The following USP8 variants were observed in gnomAD, a reference collection of about 807,000 sequenced individuals.
USP8 encodes ubiquitin specific peptidase 8, also known as ubiquitin carboxyl-terminal hydrolase 8.
In USP8, 27 loss-of-function variants were observed where a neutral mutation model predicts 130.0. The observed-to-expected ratio is 0.21, with a 90% CI of 0.15 to 0.29. The LOEUF (loss-of-function observed/expected upper bound fraction) is 0.29. Ranked by LOEUF, USP8 falls within the 10% of genes least tolerant of loss-of-function variation. The probability of loss-of-function intolerance (pLI) is 1.00; values close to 1 mark genes in which losing one functional copy is unlikely to be tolerated. For missense variants in USP8, 1,029 were observed against 1,312.2 expected (o/e 0.78, Z 3.33); for synonymous variants, 392 against 444.1 (o/e 0.88, Z 1.48).
intron 7 of USP8, chr15:50,466,907 G>A: frequency 4.7e-6 from 2 of 429,966 alleles, no homozygotes; most frequent in South Asian, 2.0e-5. Flanking sequence ...CAGTTCAAAT[G>A]CCTACTAAGA....
In USP8 at chr15:50,471,937, G is replaced by C. The variant is rs958864952; in HGVS notation, c.849+142G>C. 8 of 926,974 alleles carry C rather than the reference G, an allele frequency of 8.6e-6. No individual in the cohort carries two copies. The African/African-American group carries it at 1.3e-4, about 15-fold the overall frequency. 57.4% of individuals were successfully genotyped at this position (926,974 alleles called of 1,614,324 possible). A position where few individuals can be genotyped will look rare whatever the true frequency, so the allele number is the denominator to read the frequency against. ...TTTTTTTGAGACTGAGTCTCACTCTGTTGCCCAAGCTAGAGTACAGTGGCG... is the reference window on the plus strand; with the variant it reads ...TTTTTTTGAGACTGAGTCTCACTCTCTTGCCCAAGCTAGAGTACAGTGGCG... On this transcript the variant is annotated intron_variant, in intron 8 of 19. Coordinates refer to ENST00000307179, the MANE Select transcript of USP8 (RefSeq NM_005154.5).
At chr15:50,443,955 T>C (rs2050338906) in intron 3 of USP8, among the ~76,000 whole-genome samples, 1 of 152,152 alleles carries the variant, frequency 6.6e-6, no homozygotes. Flanking sequence ...AAACAAGTTT[T>C]TGCACGCTCT....
chr15:50,445,329 T>G (rs1259734061), intron 3 of USP8, among the ~76,000 whole-genome samples: 1 of 139,112 alleles, frequency 7.2e-6, no homozygotes, highest in Non-Finnish European at 1.6e-5. Context: ...GTGGATCACT[T>G]GCGGTCAGGA....
chr15:50,473,927 C>G (rs2051472860), intron 8 of USP8, among the ~76,000 whole-genome samples: 1 of 151,918 alleles, frequency 6.6e-6, no homozygotes, highest in Admixed American at 6.6e-5. Flanking sequence ...CTCTGCCTCC[C>G]AGGTTCAAGC....
chr15:50,453,266 A>G (rs1324718395), intron 4 of USP8, among the ~76,000 whole-genome samples: 4 of 152,246 alleles, frequency 2.6e-5, no homozygotes, highest in Non-Finnish European at 5.9e-5. Flanking sequence ...TCTCACATCT[A>G]TTGATGGGTT....
At position 50,505,688 on chromosome 15, in the gene USP8, G is replaced by A. The variant is rs2052648845; in HGVS notation, c.*6600G>A. The A allele has an allele frequency of 6.6e-6, 1 of 152,286 alleles. No homozygotes were observed. The allele number at this position is 152,286 out of a possible 1,614,324, so 9.4% of individuals were successfully genotyped here. ...AAAAATTAAAAACCGGCTGGGCATG[G>A]TGGTTCACACCTGTAATCCCAGCAC... On this transcript the variant is annotated 3_prime_UTR_variant, in exon 20 of 20. Transcript: ENST00000307179.
chr15:50,481,366 C>A (rs188590381), intron 10 of USP8, 115 bp from the exon 11 acceptor site: 3 of 687,846 alleles, frequency 4.4e-6, no homozygotes, highest in South Asian at 2.9e-5. Flanking sequence ...AATAGATGTG[C>A]TGATAGATGT....
At chr15:50,485,572 T>C (rs2051931473) in intron 12 of USP8, among the ~76,000 whole-genome samples, 1 of 136,526 alleles carries the variant, frequency 7.3e-6, no homozygotes, top group African/African-American at 2.8e-5. Context: ...TTTTTTTTTT[T>C]TTTTTTTTTT....
intron 4 of USP8, among the ~76,000 whole-genome samples, chr15:50,458,795 T>TA (rs2141277535): frequency 6.6e-6 from 1 of 152,284 alleles, no homozygotes; most frequent in South Asian, 2.1e-4. Context: ...CTTGAGAACA[T>TA]ACAGTTTCTT....
chr15:50,427,983 A>G (rs1013373932), intron 1 of USP8, among the ~76,000 whole-genome samples: 3 of 151,908 alleles, frequency 2.0e-5, no homozygotes, highest in Non-Finnish European at 4.4e-5. Context: ...TCAGCCTCCC[A>G]AGTAGCTAGG....
chr15:50,512,862 A>G lies in USP8; in HGVS notation c.*13774A>G, dbSNP rs1025885385. 3.9e-5 allele frequency: 6 copies of G among 152,210 alleles called. No homozygotes were observed. The highest frequency in any genetic ancestry group is 1.2e-4 in the African/African-American group (5 of 41,458). 9.4% of individuals were successfully genotyped at this position (152,210 alleles called of 1,614,324 possible). A position where few individuals can be genotyped will look rare whatever the true frequency, so the allele number is the denominator to read the frequency against. ...TTAAGGTGAATTCTGTGGTATGTGA[A>G]CTATCTCTAAGAACTTCTTTTTATT... On this transcript the variant is annotated 3_prime_UTR_variant, in exon 20 of 20. Transcript: ENST00000307179.
rs375685922 is a variant in USP8, at chr15:50,490,558, A to G, written c.2234+33A>G. 2.5e-6 allele frequency: 4 copies of G among 1,598,304 alleles called. No individual in the cohort carries two copies. The East Asian group carries it at 8.9e-5, about 36-fold the overall frequency. On this transcript the variant is annotated intron_variant, in intron 14 of 19. Transcript: ENST00000307179. ...TATCTTAACTCCTAGAACTAAAATA[A>G]TGTGCTGTATTTCAAAGTTTCTACT...
At chr15:50,436,203 C>T (rs2050085692) in intron 1 of USP8, among the ~76,000 whole-genome samples, 1 of 150,064 alleles carries the variant, frequency 6.7e-6, no homozygotes, top group Non-Finnish European at 1.5e-5. Flanking sequence ...GTTTTTTTTT[C>T]CACTGCCATG....
intron 1 of USP8, among the ~76,000 whole-genome samples, chr15:50,436,459 A>C (rs888850764): frequency 6.6e-6 from 1 of 152,184 alleles, no homozygotes; most frequent in South Asian, 2.1e-4. Context: ...ACTACTGCTT[A>C]AAACTTTCTC....
At chr15:50,471,020 T>C (rs143113387) in intron 7 of USP8, among the ~76,000 whole-genome samples, 59 of 152,312 alleles carry the variant, frequency 3.9e-4, no homozygotes, top group African/African-American at 1.3e-3. Context: ...ATGAGCCAGA[T>C]TGCCTGAATT....
intron 1 of USP8, 110 bp downstream of exon 1, chr15:50,424,624 T>C (rs1239489565): frequency 5.0e-6 from 2 of 396,996 alleles, no homozygotes; most frequent in African/African-American, 2.1e-5. Context: ...ACAAGCTCTG[T>C]CCGCGGAGAG....
chr15:50,494,687 GA>G (rs545526836), intron 16 of USP8, among the ~76,000 whole-genome samples: 24 of 152,042 alleles, frequency 1.6e-4, no homozygotes, highest in Non-Finnish European at 3.5e-4. Context: ...GCTGAAAGTG[GA>G]ACATGCCTTT....
intron 8 of USP8, among the ~76,000 whole-genome samples, chr15:50,473,683 G>T (rs1195998389): frequency 6.6e-6 from 1 of 151,698 alleles, no homozygotes; most frequent in Non-Finnish European, 1.5e-5. Context: ...TTTTCTAGTA[G>T]AGACAAGGTA....
At chr15:50,469,354 G>A (rs542573334) in intron 7 of USP8, among the ~76,000 whole-genome samples, 19 of 152,126 alleles carry the variant, frequency 1.2e-4, no homozygotes, top group Non-Finnish European at 2.5e-4. Context: ...TGTGAAGATG[G>A]TACATAAAAG....
Sources: allele counts gnomAD v4.1 joint callset (sites outside exome capture counted in the v4.1 genomes callset), GRCh38; gene constraint gnomAD v4.1.1; transcripts MANE v1.5; gene names NCBI Gene and HGNC (gene_info 2026-07-23, HGNC 2026-07-21).